DCHS2: variants seen among roughly 807,000 people sequenced by gnomAD.
DCHS2 encodes dachsous cadherin-related 2.
DCHS2 carries 142 observed loss-of-function variants against 182.4 expected under a neutral mutation model. That is an observed-to-expected ratio of 0.78 (90% CI 0.68 to 0.89). DCHS2 has a LOEUF of 0.89. DCHS2 is among the 40% of genes least tolerant of loss of function. DCHS2 has a pLI of 0.00. For missense variants in DCHS2, 4,319 were observed against 4,198.6 expected, an observed-to-expected ratio of 1.03 and a Z score of -0.79; for synonymous variants, 1,740 against 1,663.3, an observed-to-expected ratio of 1.05 and a Z score of -1.12.
chr4:154,375,377 T>C (rs569306064), intron 2 of DCHS2, among the ~76,000 whole-genome samples: 1 of 151,966 alleles, frequency 6.6e-6, no homozygotes, highest in Admixed American at 6.5e-5. Context: ...CCATTAAGAA[T>C]AGAAAAGGCC....
At chr4:154,478,485 G>T (rs1735779426) in intron 1 of DCHS2, among the ~76,000 whole-genome samples, 1 of 152,092 alleles carries the variant, frequency 6.6e-6, no homozygotes, top group Admixed American at 6.6e-5. Flanking sequence ...CCCATTTTTT[G>T]AGGATTATTT....
intron 10 of DCHS2, among the ~76,000 whole-genome samples, chr4:154,314,210 T>C (rs561545455): frequency 1.3e-5 from 2 of 152,206 alleles, no homozygotes; most frequent in African/African-American, 2.4e-5. Flanking sequence ...GTTCAGTATA[T>C]GTCTATATAC....
Position 154,473,341 on chromosome 4 carries a change from G to A in DCHS2, c.2052+15963C>T, listed in dbSNP as rs193054911. Among the ~76,000 whole-genome samples, 15 of 152,280 alleles carry A rather than the reference G, an allele frequency of 9.9e-5. No homozygotes were observed. In the East Asian group the frequency reaches 1.7e-3, roughly 18 times the overall value. On this transcript the variant is annotated intron_variant, in intron 1 of 19. Coordinates refer to ENST00000357232, the MANE Select transcript of DCHS2 (RefSeq NM_001358235.2). ...CATTCCGTTAAACTAAGCAGAGGCC[G>A]CTATCTGGTTGGTCATTCGGTCTTC...
rs1301792466 is a variant in DCHS2, at chr4:154,242,753, C to G, written c.6961G>C (p.Asp2321His). 1 of 1,611,506 alleles carries G rather than the reference C, an allele frequency of 6.2e-7. No individual in the cohort carries two copies. ...SSYSLIVQAT[D>H]KGMPRLSNTT... ...TTAGAAAGCCTGGGCATCCCTTTAT[C>G]TGTGGCTTGGACAATCAAGCTGGTT... The change falls in exon 17 of 20, where the codon GAT becomes CAT. Residue 2321 changes from aspartate to histidine, a missense_variant. Coordinates refer to ENST00000357232, the MANE Select transcript of DCHS2 (RefSeq NM_001358235.2).
At chr4:154,453,403 A>G (rs1285507322) in intron 1 of DCHS2, among the ~76,000 whole-genome samples, 1 of 151,746 alleles carries the variant, frequency 6.6e-6, no homozygotes, top group African/African-American at 2.4e-5. Flanking sequence ...GATTTTTTTC[A>G]CCGTTTCTAG....
intron 1 of DCHS2, among the ~76,000 whole-genome samples, chr4:154,429,773 C>T (rs1733482827): frequency 6.6e-6 from 1 of 151,682 alleles, no homozygotes. Flanking sequence ...TCATCAATGT[C>T]TCCTGTGTAT....
chr4:154,321,169 T>C lies in DCHS2; in HGVS notation c.4230A>G (p.Leu1410=), dbSNP rs1199557841. ...RAIMSQNIRH[L]IIPENLKPTK... is the part of the protein sequence containing the mutation. ...TGGGCTTCAAATTTTCTGGTATAAT[T>C]AAATGTCTAATATTCTGAGACATGA... The change falls in exon 9 of 20, where the codon TTA becomes TTG. Residue 1410 remains leucine, a synonymous_variant. Transcript: ENST00000357232. 6.3e-7 allele frequency: 1 copy of C among 1,586,774 alleles called. No homozygotes were observed. Among genetic ancestry groups the C allele is most frequent in the African/African-American group, 1.4e-5 (1 of 73,882 alleles).
At chr4:154,461,025 G>T (rs1734989523) in intron 1 of DCHS2, among the ~76,000 whole-genome samples, 1 of 152,242 alleles carries the variant, frequency 6.6e-6, no homozygotes, top group Admixed American at 6.5e-5. Context: ...AAGCAATCCA[G>T]TGAGCAGAGG....
chr4:154,407,565 A>C (rs1732453965), intron 1 of DCHS2, among the ~76,000 whole-genome samples: 2 of 152,094 alleles, frequency 1.3e-5, no homozygotes, highest in Non-Finnish European at 1.5e-5. Context: ...CTTTCCACAT[A>C]CTTGTTTTAA....
chr4:154,256,849 T>G (rs956304810), intron 15 of DCHS2, among the ~76,000 whole-genome samples: 13 of 152,060 alleles, frequency 8.5e-5, no homozygotes, highest in African/African-American at 3.1e-4. Flanking sequence ...GTGACCCAGG[T>G]GCAGTATCCA....
At chr4:154,482,495 C>T in intron 1 of DCHS2, among the ~76,000 whole-genome samples, 1 of 152,032 alleles carries the variant, frequency 6.6e-6, no homozygotes, top group East Asian at 1.9e-4. Flanking sequence ...GTAGGAAAGA[C>T]TTGGGGAAAA....
intron 1 of DCHS2, among the ~76,000 whole-genome samples, chr4:154,393,219 A>C (rs1731783982): frequency 6.6e-6 from 1 of 152,188 alleles, no homozygotes; most frequent in African/African-American, 2.4e-5. Flanking sequence ...GAAGAGACCA[A>C]CAGATAACTC....
Position 154,233,001 on chromosome 4 carries a change from A to G in DCHS2, c.*1535T>C, listed in dbSNP as rs1388629452. ...TACTTATCTACAAAACCAGACATCA[A>G]ACACTGCACCTTGCAATATTTTTTA... On this transcript the variant is annotated 3_prime_UTR_variant, in exon 20 of 20. Coordinates refer to ENST00000357232, the MANE Select transcript of DCHS2 (RefSeq NM_001358235.2). The G allele has an allele frequency of 6.6e-6, 1 of 152,176 alleles. No homozygotes were observed. Among genetic ancestry groups the G allele is most frequent in the African/African-American group, 2.4e-5 (1 of 41,448 alleles). 9.4% of individuals were successfully genotyped at this position (152,176 alleles called of 1,614,324 possible).
chr4:154,293,644 T>A (rs988873881), intron 13 of DCHS2, among the ~76,000 whole-genome samples: 1 of 152,182 alleles, frequency 6.6e-6, no homozygotes, highest in Admixed American at 6.5e-5. Context: ...TCTTCAGGCC[T>A]GGGTCATTAT....
intron 1 of DCHS2, among the ~76,000 whole-genome samples, chr4:154,377,697 T>C (rs1418861599): frequency 3.9e-5 from 6 of 152,144 alleles, no homozygotes; most frequent in African/African-American, 1.4e-4. Context: ...CTCTGAAAGT[T>C]TGAGGTCCCT....
chr4:154,399,872 G>C (rs1335727312), intron 1 of DCHS2, among the ~76,000 whole-genome samples: 1 of 152,204 alleles, frequency 6.6e-6, no homozygotes, highest in African/African-American at 2.4e-5. Flanking sequence ...CGAATAGAGA[G>C]GATATGCTAC....
intron 15 of DCHS2, among the ~76,000 whole-genome samples, chr4:154,256,531 T>G (rs1732677472): frequency 7.5e-6 from 1 of 133,216 alleles, no homozygotes; most frequent in Non-Finnish European, 1.7e-5. Flanking sequence ...TGATGAGTTA[T>G]CAAAGTTGTG....
At chr4:154,410,235 A>G (rs1031631714) in intron 1 of DCHS2, among the ~76,000 whole-genome samples, 7 of 152,102 alleles carry the variant, frequency 4.6e-5, no homozygotes, top group African/African-American at 1.7e-4. Context: ...ACTCAGCAAC[A>G]TACAAGAGAA....
At chr4:154,389,516 T>TAATATATATATATATATATA (rs1731575119) in intron 1 of DCHS2, among the ~76,000 whole-genome samples, 1 of 111,132 alleles carries the variant, frequency 9.0e-6, no homozygotes, top group African/African-American at 3.1e-5. Context: ...AAGACAAAGG[T>TAATATATATATATATATATA]TATATATATA....
Sources: allele counts gnomAD v4.1 joint callset (sites outside exome capture counted in the v4.1 genomes callset), GRCh38; gene constraint gnomAD v4.1.1; transcripts MANE v1.5; gene names NCBI Gene and HGNC (gene_info 2026-07-23, HGNC 2026-07-21).